The following SMYD3 variants were observed in gnomAD, a reference collection of about 807,000 sequenced individuals.
SMYD3 encodes histone-lysine N-methyltransferase SMYD3.
SMYD3 carries 36 observed loss-of-function variants against 57.7 expected under a neutral mutation model. That is an observed-to-expected ratio of 0.62 (90% CI 0.48 to 0.82). SMYD3 has a LOEUF of 0.82. SMYD3 is among the 40% of genes least tolerant of loss of function. SMYD3 has a pLI of 0.00. For missense variants in SMYD3, 515 were observed against 538.8 expected (o/e 0.96, Z 0.44); for synonymous variants, 211 against 195.0 (o/e 1.08, Z -0.68).
chr1:246,287,780 C>T (rs1416605251), intron 5 of SMYD3, among the ~76,000 whole-genome samples: 2 of 152,132 alleles, frequency 1.3e-5, no homozygotes, highest in African/African-American at 4.8e-5. Flanking sequence ...AATTATGACA[C>T]CTATAAATCA....
intron 5 of SMYD3, among the ~76,000 whole-genome samples, chr1:245,991,134 A>C (rs1319238084): frequency 2.0e-5 from 3 of 152,192 alleles, no homozygotes; most frequent in African/African-American, 7.2e-5. Flanking sequence ...AACTAAAATG[A>C]TTTCTTTCCT....
intron 5 of SMYD3, chr1:245,956,216 C>A (rs149210305): frequency 4.5e-6 from 1 of 220,656 alleles, no homozygotes; most frequent in Non-Finnish European, 7.6e-6. Flanking sequence ...CAGTATTCAG[C>A]CTCTTGGTAT....
chr1:246,234,967 G>A (rs1045714254), intron 5 of SMYD3, among the ~76,000 whole-genome samples: 14 of 151,900 alleles, frequency 9.2e-5, no homozygotes, highest in Non-Finnish European at 1.5e-4. Context: ...AGCAGGAGTA[G>A]GTGTGAAAAT....
intron 5 of SMYD3, among the ~76,000 whole-genome samples, chr1:246,281,920 A>G (rs1382152122): frequency 6.6e-6 from 1 of 152,166 alleles, no homozygotes; most frequent in African/African-American, 2.4e-5. Context: ...GAGGACAATG[A>G]CACACTGGTG....
At chr1:245,760,586 C>CT (rs1209942955) in intron 11 of SMYD3, among the ~76,000 whole-genome samples, 2 of 152,100 alleles carry the variant, frequency 1.3e-5, no homozygotes. Flanking sequence ...TTAAAGACTT[C>CT]TATCCATTAA....
chr1:246,403,319 C>T (rs571486316), intron 1 of SMYD3, among the ~76,000 whole-genome samples: 8 of 151,800 alleles, frequency 5.3e-5, no homozygotes, highest in Admixed American at 2.0e-4. Context: ...CATAGTAAGG[C>T]CCTGTGTCTT....
chr1:246,053,706 T>A (rs2060101288), intron 5 of SMYD3, among the ~76,000 whole-genome samples: 1 of 152,034 alleles, frequency 6.6e-6, no homozygotes, highest in South Asian at 2.1e-4. Flanking sequence ...TTCCTGCTAC[T>A]CGAGAGGCTG....
intron 5 of SMYD3, among the ~76,000 whole-genome samples, chr1:246,019,290 G>A (rs2059429003): frequency 6.6e-6 from 1 of 152,176 alleles, no homozygotes; most frequent in African/African-American, 2.4e-5. Context: ...CAATGCACAA[G>A]ACAGCCCCCA....
chr1:246,492,406 C>A (rs996927613), intron 1 of SMYD3, among the ~76,000 whole-genome samples: 2 of 152,112 alleles, frequency 1.3e-5, no homozygotes, highest in African/African-American at 4.8e-5. Context: ...ACGCCGATGG[C>A]TCCTGACTAG....
chr1:246,092,674 G>GA (rs2060843517), intron 5 of SMYD3, among the ~76,000 whole-genome samples: 1 of 152,174 alleles, frequency 6.6e-6, no homozygotes, highest in African/African-American at 2.4e-5. Context: ...AAACATTGGA[G>GA]AAATGCTTCA....
chr1:246,426,193 A>T (rs1346247264), intron 1 of SMYD3: 1 of 152,150 alleles, frequency 6.6e-6, no homozygotes, highest in South Asian at 2.1e-4. Context: ...ATTTTATCAT[A>T]CCTATTACCC....
At chr1:246,190,905 C>G (rs1476247367) in intron 5 of SMYD3, among the ~76,000 whole-genome samples, 2 of 152,084 alleles carry the variant, frequency 1.3e-5, no homozygotes, top group Non-Finnish European at 2.9e-5. Flanking sequence ...ACTAGAAAAG[C>G]CAGTATCAGA....
chr1:245,930,658 A>G (rs1234988338), intron 5 of SMYD3: 1 of 152,492 alleles, frequency 6.6e-6, no homozygotes, highest in East Asian at 1.9e-4. Flanking sequence ...GACCAGAATC[A>G]GGAAATCTAG....
chr1:246,264,627 T>G (rs552944538), intron 5 of SMYD3, among the ~76,000 whole-genome samples: 3 of 152,346 alleles, frequency 2.0e-5, no homozygotes, highest in African/African-American at 7.2e-5. Context: ...TTTATACACA[T>G]TCTATGGGAA....
intron 5 of SMYD3, among the ~76,000 whole-genome samples, chr1:246,174,861 T>TA (rs755058746): frequency 8.5e-5 from 13 of 152,224 alleles, no homozygotes; most frequent in Non-Finnish European, 1.6e-4. Context: ...AAGCACCTGA[T>TA]AAACTGAAAT....
chr1:245,957,292 C>A (rs1383407825), intron 5 of SMYD3, among the ~76,000 whole-genome samples: 1 of 152,326 alleles, frequency 6.6e-6, no homozygotes, highest in African/African-American at 2.4e-5. Context: ...CTTTGACACA[C>A]AATAGAAGTA....
chr1:246,459,680 T>C (rs72760824), intron 1 of SMYD3, among the ~76,000 whole-genome samples: 3 of 152,060 alleles, frequency 2.0e-5, no homozygotes, highest in African/African-American at 7.2e-5. Flanking sequence ...GGTAGTTTTT[T>C]ACAGCAGTGT....
intron 5 of SMYD3, among the ~76,000 whole-genome samples, chr1:246,232,274 A>G (rs1242498044): frequency 6.6e-6 from 1 of 152,222 alleles, no homozygotes; most frequent in Non-Finnish European, 1.5e-5. Flanking sequence ...TAGGCACTAC[A>G]TAATACTGTA....
intron 1 of SMYD3, among the ~76,000 whole-genome samples, chr1:246,400,939 T>C (rs2066757472): frequency 6.6e-6 from 1 of 152,218 alleles, no homozygotes; most frequent in Admixed American, 6.5e-5. Flanking sequence ...ACTGTCTTTT[T>C]CAGACACACT....
Sources: allele counts gnomAD v4.1 joint callset (sites outside exome capture counted in the v4.1 genomes callset), GRCh38; gene constraint gnomAD v4.1.1; transcripts MANE v1.5; gene names NCBI Gene and HGNC (gene_info 2026-07-23, HGNC 2026-07-21).